Variants in CDH13 observed in about 807,000 individuals in gnomAD.
CDH13 encodes cadherin 13.
In CDH13, 24 loss-of-function variants were observed where a neutral mutation model predicts 63.8. That is an observed-to-expected ratio of 0.38 (90% CI 0.27 to 0.53). The LOEUF is 0.53. CDH13 is among the 20% of genes least tolerant of loss of function. The pLI is 0.85. For synonymous variants in CDH13, 503 were observed against 355.3 expected, an observed-to-expected ratio of 1.42 and a Z score of -4.67; for missense variants, 1,049 against 903.1, an observed-to-expected ratio of 1.16 and a Z score of -2.07.
In CDH13 at chr16:83,739,566, C is replaced by G. The variant is rs142381501; in HGVS notation, c.1539-8542C>G. On this transcript the variant is annotated intron_variant, in intron 10 of 13. Transcript: ENST00000567109. ...GTCTTCGGGACCCCCAGCACACAAA[C>G]CCACCTAACTAAGCCCCCTTTGACA... is the stretch of plus-strand genomic sequence containing the variant. 2.2e-4 allele frequency among the ~76,000 whole-genome samples: 34 copies of G among 152,118 alleles called. No individual in the cohort carries two copies. In the East Asian group the frequency reaches 6.0e-3, roughly 27 times the overall value.
chr16:83,324,496 T>C (rs1316829916), intron 5 of CDH13, among the ~76,000 whole-genome samples: 3 of 152,244 alleles, frequency 2.0e-5, no homozygotes, highest in Non-Finnish European at 2.9e-5. Context: ...AAAGGAATCA[T>C]GCAACACTTG....
chr16:83,078,702 T>C lies in CDH13; in HGVS notation c.366+46484T>C, dbSNP rs548605568. On this transcript the variant is annotated intron_variant, in intron 3 of 13. Transcript: ENST00000567109. Reference sequence around the variant, plus strand: ...CATCTGGCACTGGTTGGTCCTCTTATCAGGCTGAAAGCCAGAAAAATGGGA... The same window carrying C: ...CATCTGGCACTGGTTGGTCCTCTTACCAGGCTGAAAGCCAGAAAAATGGGA... Among the ~76,000 whole-genome samples the C allele has an allele frequency of 1.2e-3, 176 of 152,378 alleles. 1 individual carries two copies. The highest frequency in any genetic ancestry group is 9.3e-3 in the South Asian group (45 of 4,830).
In CDH13 at chr16:83,670,955, A is replaced by G. The variant is rs2150856978; in HGVS notation, c.1267A>G (p.Met423Val). 1.3e-6 allele frequency: 2 copies of G among 1,598,952 alleles called. No individual in the cohort carries two copies. Among genetic ancestry groups the G allele is most frequent in the Non-Finnish European group, 1.7e-6 (2 of 1,169,966 alleles). The change falls in exon 9 of 14, where the codon ATG (methionine) becomes GTG (valine). Residue 423 changes from methionine (M) to valine (V), a missense_variant. Physicochemically the swap from Met to Val is conservative, Grantham distance 21 (BLOSUM62 1). Transcript: ENST00000567109. ...IHTNPQTNEG[M>V]LSVVKPLDYE... Reference sequence around the variant, plus strand: ...CACCAACCCTCAAACCAACGAAGGGATGCTTTCTGTTGTCAAAGTAAGGGT... The same window carrying G: ...CACCAACCCTCAAACCAACGAAGGGGTGCTTTCTGTTGTCAAAGTAAGGGT...
intron 1 of CDH13, among the ~76,000 whole-genome samples, chr16:82,717,307 G>A (rs4783259): frequency 3.9e-4 from 59 of 151,744 alleles, no homozygotes; most frequent in East Asian, 1.4e-3. Flanking sequence ...GTGGTGGTTC[G>A]CAGCTGTAAT....
chr16:83,770,858 A>C (rs946447648), intron 11 of CDH13, among the ~76,000 whole-genome samples: 1 of 152,100 alleles, frequency 6.6e-6, no homozygotes, highest in South Asian at 2.1e-4. Flanking sequence ...CCTGTATCTT[A>C]TGCTGACCTC....
rs185047310 is a variant in CDH13 at position 82,661,621 on chromosome 16, G to A, written c.45+34484G>A. ...TCAGGGAGCCTGTGCAACTCCAAAA[G>A]GATGGATGCTGGATGCATATGGAGG... On this transcript the variant is annotated intron_variant, in intron 1 of 13. Coordinates refer to ENST00000567109, the MANE Select transcript of CDH13 (RefSeq NM_001257.5). 6.9e-3 allele frequency among the ~76,000 whole-genome samples: 1,048 copies of A among 152,348 alleles called. 8 individuals are homozygous for A. The highest frequency in any genetic ancestry group is 0.031 in the Middle Eastern group (9 of 294).
At chr16:83,132,745 C>T (rs1166171279) in intron 4 of CDH13, among the ~76,000 whole-genome samples, 1 of 152,128 alleles carries the variant, frequency 6.6e-6, no homozygotes, top group Non-Finnish European at 1.5e-5. Context: ...TTTAAGGCAA[C>T]TAGCAGTTTT....
At chr16:83,176,976 A>G (rs867397952) in intron 4 of CDH13, among the ~76,000 whole-genome samples, 4 of 152,246 alleles carry the variant, frequency 2.6e-5, no homozygotes, top group Middle Eastern at 3.4e-3. Flanking sequence ...TTTACCCCGG[A>G]TGCCATGATG....
intron 1 of CDH13, among the ~76,000 whole-genome samples, chr16:82,840,746 G>A (rs2038976184): frequency 1.3e-5 from 2 of 151,680 alleles, no homozygotes; most frequent in Admixed American, 1.3e-4. Flanking sequence ...AGGTTCCCAG[G>A]ATCTAGATGA....
At chr16:82,945,891 A>C (rs1250966297) in intron 2 of CDH13, among the ~76,000 whole-genome samples, 1 of 151,928 alleles carries the variant, frequency 6.6e-6, no homozygotes, top group Non-Finnish European at 1.5e-5. Context: ...TCCTAGGGAC[A>C]CTCTCAGTTC....
chr16:83,459,597 A>G (rs1302628041), intron 6 of CDH13, among the ~76,000 whole-genome samples: 2 of 152,360 alleles, frequency 1.3e-5, no homozygotes, highest in East Asian at 1.9e-4. Flanking sequence ...TACCAGAGCC[A>G]TAGGAAAATG....
At chr16:83,610,602 G>A (rs887609118) in intron 8 of CDH13, among the ~76,000 whole-genome samples, 6 of 152,226 alleles carry the variant, frequency 3.9e-5, no homozygotes, top group Admixed American at 2.6e-4. Context: ...TAATCATAGT[G>A]TGGACCCTTG....
At chr16:83,043,845 AT>A (rs1358378690) in intron 3 of CDH13, among the ~76,000 whole-genome samples, 2 of 150,668 alleles carry the variant, frequency 1.3e-5, no homozygotes, top group African/African-American at 4.9e-5. Context: ...AAAAAAAAAA[AT>A]CAATATGAAC....
At chr16:83,331,532 T>A (rs1015822618) in intron 5 of CDH13, among the ~76,000 whole-genome samples, 1 of 152,212 alleles carries the variant, frequency 6.6e-6, no homozygotes, top group Non-Finnish European at 1.5e-5. Flanking sequence ...AGTCACTGCC[T>A]GAACAAGTTA....
Position 82,894,165 on chromosome 16 carries a change from G to C in CDH13, c.157+35692G>C, listed in dbSNP as rs143719145. Among the ~76,000 whole-genome samples the C allele has an allele frequency of 4.5e-4, 69 of 152,216 alleles. 1 individual carries two copies. Among genetic ancestry groups the C allele is most frequent in the African/African-American group, 1.5e-3 (63 of 41,528 alleles). ...TAGGACAGGCCAGTTTTGTTCTCCA[G>C]GCTGGTCTCGAACTCCTGGGCTCAA... On this transcript the variant is annotated intron_variant, in intron 2 of 13. Coordinates refer to ENST00000567109, the MANE Select transcript of CDH13 (RefSeq NM_001257.5).
At chr16:83,339,090 G>C (rs192268409) in intron 5 of CDH13, among the ~76,000 whole-genome samples, 306 of 152,242 alleles carry the variant, frequency 2.0e-3, no homozygotes, top group Non-Finnish European at 3.4e-3. Context: ...AGTGACAGAA[G>C]CTAATCTCAA....
At chr16:82,763,897 T>G (rs1476049992) in intron 1 of CDH13, among the ~76,000 whole-genome samples, 4 of 152,282 alleles carry the variant, frequency 2.6e-5, no homozygotes, top group South Asian at 4.1e-4. Flanking sequence ...GGTCTTGAAC[T>G]CCTGGGCTCA....
intron 6 of CDH13, among the ~76,000 whole-genome samples, chr16:83,401,615 A>C (rs1387797195): frequency 6.6e-6 from 1 of 152,156 alleles, no homozygotes; most frequent in Admixed American, 6.5e-5. Flanking sequence ...ACCTCACAAC[A>C]ACCTCATGAA....
At chr16:83,105,086 G>C (rs1376883537) in intron 3 of CDH13, among the ~76,000 whole-genome samples, 46 of 152,098 alleles carry the variant, frequency 3.0e-4, no homozygotes, top group Admixed American at 2.9e-3. Context: ...TGCCATGGCG[G>C]TTTGCTGCAC....
Sources: allele counts gnomAD v4.1 joint callset (sites outside exome capture counted in the v4.1 genomes callset), GRCh38; gene constraint gnomAD v4.1.1; transcripts MANE v1.5; gene names NCBI Gene and HGNC (gene_info 2026-07-23, HGNC 2026-07-21).